The following NHSL1 variants were observed in gnomAD, a reference collection of about 807,000 sequenced individuals.
NHSL1 encodes NHS like 1.
Under a neutral mutation model 95.0 loss-of-function variants are expected in NHSL1, and 48 were observed. The observed-to-expected ratio is 0.51, with a 90% CI of 0.40 to 0.64. NHSL1 has a LOEUF of 0.64. NHSL1 is among the 30% of genes least tolerant of loss of function. The pLI, the probability that NHSL1 is intolerant of heterozygous loss-of-function variation, is 0.00. For synonymous variants in NHSL1, 783 were observed against 833.9 expected, an observed-to-expected ratio of 0.94 and a Z score of 1.05; for missense variants, 1,971 against 2,077.7, an observed-to-expected ratio of 0.95 and a Z score of 1.00.
chr6:138,506,474 C>T (rs1481351497), intron 1 of NHSL1, among the ~76,000 whole-genome samples: 1 of 151,966 alleles, frequency 6.6e-6, no homozygotes, highest in African/African-American at 2.4e-5. Flanking sequence ...AATAGGGCTG[C>T]CAGATAAAAC....
At chr6:138,543,062 C>T (rs1782644488) in intron 1 of NHSL1, among the ~76,000 whole-genome samples, 1 of 152,192 alleles carries the variant, frequency 6.6e-6, no homozygotes, top group South Asian at 2.1e-4. Context: ...TGGCACCTGG[C>T]CTATTCTACG....
intron 2 of NHSL1, among the ~76,000 whole-genome samples, chr6:138,490,204 A>G (rs1387451174): frequency 6.6e-6 from 1 of 152,084 alleles, no homozygotes. Context: ...GGTTAGCACA[A>G]GGTGGGCAAA....
rs1315097960 is a variant in NHSL1 at position 138,424,838 on chromosome 6, A to C, written c.4086-22T>G. ...GGATCTGAGATTTAATAACATTAAG[A>C]AAAAGGTTAATTCCCACGGGACCAC... On this transcript the variant is annotated intron_variant, in intron 7 of 7. Coordinates refer to ENST00000343505, the MANE Select transcript of NHSL1 (RefSeq NM_001144060.2). The surrounding 1 kb of genome is among the most constrained non-coding windows in gnomAD (Gnocchi z 5.9). 1 of 1,540,078 alleles carries C rather than the reference A, an allele frequency of 6.5e-7. No individual in the cohort carries two copies. The highest frequency in any genetic ancestry group is 2.5e-5 in the East Asian group (1 of 40,720).
intron 5 of NHSL1, among the ~76,000 whole-genome samples, chr6:138,437,671 G>T (rs1240302743): frequency 6.6e-6 from 1 of 152,104 alleles, no homozygotes; most frequent in Non-Finnish European, 1.5e-5. Context: ...AACCTGAAAA[G>T]GATTCACTAC....
Position 138,424,798 on chromosome 6 carries a change from G to A in NHSL1, c.4104C>T (p.Leu1368=), listed in dbSNP as rs932775148. 2.6e-6 allele frequency: 4 copies of A among 1,550,152 alleles called. No individual in the cohort carries two copies. Among genetic ancestry groups the A allele is most frequent in the East Asian group, 2.4e-5 (1 of 40,878 alleles). ...GGTCATCATCTGAATCTCTACGGCC[G>A]AGGACTTTCCTTTTGGATCTGAGAT... The part of the protein sequence containing the change: ...AAIHRSKRKV[L]GRRDSDDDHS... The change falls in exon 8 of 8, where the codon CTC becomes CTT. Residue 1368 remains leucine, a synonymous_variant. Coordinates refer to ENST00000343505, the MANE Select transcript of NHSL1 (RefSeq NM_001144060.2). The surrounding 1 kb of genome is among the most constrained non-coding windows in gnomAD (Gnocchi z 5.9).
intron 1 of NHSL1, chr6:138,691,983 G>A (rs1203416145): frequency 2.2e-6 from 1 of 456,732 alleles, no homozygotes. Context: ...GCGGCGGGAA[G>A]AGAGGTGGCA....
chr6:138,473,224 T>G, intron 3 of NHSL1, 82 bp downstream of exon 3: 1 of 1,204,898 alleles, frequency 8.3e-7, no homozygotes. Flanking sequence ...GGCTCAATTT[T>G]GATTTTACCA....
At chr6:138,525,174 G>A (rs761207610) in intron 1 of NHSL1, among the ~76,000 whole-genome samples, 1 of 152,034 alleles carries the variant, frequency 6.6e-6, no homozygotes, top group East Asian at 1.9e-4. Flanking sequence ...CTCTAAGTTC[G>A]ATTCTGGGTG....
chr6:138,585,156 T>C (rs372806781), intron 1 of NHSL1, among the ~76,000 whole-genome samples: 13 of 152,200 alleles, frequency 8.5e-5, no homozygotes, highest in African/African-American at 2.9e-4. Context: ...ATGTGGCTGG[T>C]GGACCAGCAC....
intron 2 of NHSL1, among the ~76,000 whole-genome samples, chr6:138,475,733 G>A (rs1562308892): frequency 6.6e-6 from 1 of 151,826 alleles, no homozygotes; most frequent in Non-Finnish European, 1.5e-5. Context: ...ATCACTTGGC[G>A]CTAGGAGTTT....
intron 1 of NHSL1, among the ~76,000 whole-genome samples, chr6:138,561,627 A>C (rs1783413925): frequency 6.6e-6 from 1 of 152,208 alleles, no homozygotes; most frequent in Non-Finnish European, 1.5e-5. Flanking sequence ...AGGTTGCTTT[A>C]TATCAAGTGT....
intron 2 of NHSL1, among the ~76,000 whole-genome samples, chr6:138,487,529 A>G (rs1159740930): frequency 6.6e-6 from 1 of 152,226 alleles, no homozygotes; most frequent in African/African-American, 2.4e-5. Flanking sequence ...TACACATCCC[A>G]GTTTGTCAGG....
intron 1 of NHSL1, among the ~76,000 whole-genome samples, chr6:138,525,460 C>G (rs765381455): frequency 1.3e-5 from 2 of 151,130 alleles, no homozygotes; most frequent in African/African-American, 2.4e-5. Flanking sequence ...CCCAGGAAGT[C>G]GAGGATGTAG....
intron 5 of NHSL1, among the ~76,000 whole-genome samples, chr6:138,434,704 CT>C: frequency 6.6e-6 from 1 of 152,186 alleles, no homozygotes; most frequent in Non-Finnish European, 1.5e-5. Flanking sequence ...TCAACACGGG[CT>C]TTGCTGAGCA....
chr6:138,504,374 G>A (rs1780850305), upstream of NHSL1, among the ~76,000 whole-genome samples: 2 of 152,222 alleles, frequency 1.3e-5, no homozygotes, highest in Admixed American at 6.5e-5. Flanking sequence ...CACCCACACA[G>A]ATAAAAATGA....
At chr6:138,677,295 G>T (rs1359002037) in intron 1 of NHSL1, among the ~76,000 whole-genome samples, 1 of 152,110 alleles carries the variant, frequency 6.6e-6, no homozygotes, top group Admixed American at 6.6e-5. Flanking sequence ...AGTATTTAGA[G>T]AGCATAATCC....
At chr6:138,651,289 A>G (rs1006561577) in intron 1 of NHSL1, among the ~76,000 whole-genome samples, 2 of 152,248 alleles carry the variant, frequency 1.3e-5, no homozygotes, top group Non-Finnish European at 2.9e-5. Flanking sequence ...AAAGAATTCT[A>G]TTCAAAGAAA....
chr6:138,552,306 G>GC (rs1448544751), intron 1 of NHSL1, among the ~76,000 whole-genome samples: 1 of 152,078 alleles, frequency 6.6e-6, no homozygotes, highest in Non-Finnish European at 1.5e-5. Context: ...CTAAGTCTCA[G>GC]CTACTCAAGA....
rs183798354 is a variant in NHSL1, at chr6:138,428,864, C to G, written c.4085+847G>C. On this transcript the variant is annotated intron_variant, in intron 7 of 7. Coordinates refer to ENST00000343505, the MANE Select transcript of NHSL1 (RefSeq NM_001144060.2). ...GCATAAGGACATTCATTAGAGTTAC[C>G]TGGAAATACCGTGGTAGAGAAGTCT... Among the ~76,000 whole-genome samples the G allele has an allele frequency of 2.7e-3, 414 of 152,240 alleles. 6 individuals carry two copies. Among genetic ancestry groups the G allele is most frequent in the Admixed American group, 0.019 (297 of 15,292 alleles).
Sources: gnomAD v4.1 joint callset for allele counts (sites outside exome capture counted in the v4.1 genomes callset) on GRCh38, gnomAD v4.1.1 for gene constraint, Gnocchi (gnomAD v3.1) non-coding constraint, MANE v1.5 for transcripts, NCBI Gene and HGNC (gene_info 2026-07-23, HGNC 2026-07-21) for gene names.